Variants in IL1RAPL2 observed in about 807,000 individuals in gnomAD.
IL1RAPL2 encodes the protein X-linked interleukin-1 receptor accessory protein-like 2.
In IL1RAPL2, 3 loss-of-function variants were observed where a neutral mutation model predicts 44.1. That is an observed-to-expected ratio of 0.07 (90% CI 0.03 to 0.18). The LOEUF is 0.18. Ranked by LOEUF, IL1RAPL2 falls within the 10% of genes least tolerant of loss-of-function variation. The pLI is 1.00. For synonymous variants in IL1RAPL2, 181 were observed against 178.8 expected (o/e 1.01, Z -0.10); for missense variants, 391 against 496.4 (o/e 0.79, Z 2.02).
chrX:105,384,567 A>G (rs2035462183), intron 5 of IL1RAPL2, among the ~76,000 whole-genome samples: 5 of 111,086 alleles, frequency 4.5e-5, no homozygotes, highest in Admixed American at 3.9e-4. Context: ...TGCTCATTTT[A>G]CTCAGGACTG....
chrX:104,696,621 G>A (rs1019837773), intron 2 of IL1RAPL2, among the ~76,000 whole-genome samples: 3 of 111,979 alleles, frequency 2.7e-5, no homozygotes, highest in African/African-American at 9.7e-5. Context: ...GGGTTTGGGG[G>A]TGGAGTTCAC....
intron 2 of IL1RAPL2, among the ~76,000 whole-genome samples, chrX:104,745,739 T>G (rs950763322): frequency 3.6e-5 from 4 of 111,821 alleles, no homozygotes; most frequent in Admixed American, 2.9e-4. Flanking sequence ...AATAAGGCAA[T>G]TCTTTAGTGG....
At chrX:104,879,594 C>T (rs1016311009) in intron 2 of IL1RAPL2, among the ~76,000 whole-genome samples, 1 of 111,245 alleles carries the variant, frequency 9.0e-6, no homozygotes, top group East Asian at 2.8e-4. Context: ...ATTTCCTTTG[C>T]TGTAGTATAT....
chrX:105,340,867 T>C (rs1397975181), intron 5 of IL1RAPL2, among the ~76,000 whole-genome samples: 1 of 112,534 alleles, frequency 8.9e-6, no homozygotes, highest in African/African-American at 3.2e-5. Context: ...GCTTACTGTT[T>C]ATTGTCTGTC....
chrX:104,674,020 G>A (rs1345391898), intron 2 of IL1RAPL2, among the ~76,000 whole-genome samples: 1 of 111,331 alleles, frequency 9.0e-6, no homozygotes, highest in African/African-American at 3.3e-5. Flanking sequence ...GGGTTTTCTA[G>A]ATATACAATC....
At chrX:104,620,198 A>T (rs1391508269) in intron 1 of IL1RAPL2, among the ~76,000 whole-genome samples, 2 of 111,149 alleles carry the variant, frequency 1.8e-5, no homozygotes, top group Non-Finnish European at 3.8e-5. Flanking sequence ...TGAGAAGTGC[A>T]TTAAAAGATG....
At chrX:105,762,120 T>C (rs986540915) in intron 10 of IL1RAPL2, among the ~76,000 whole-genome samples, 1 of 112,252 alleles carries the variant, frequency 8.9e-6, no homozygotes, top group African/African-American at 3.2e-5. Context: ...TTCTTCCTGC[T>C]TCTATTTCCT....
intron 1 of IL1RAPL2, among the ~76,000 whole-genome samples, chrX:104,614,350 T>C (rs766964246): frequency 1.7e-4 from 19 of 112,293 alleles, no homozygotes; most frequent in Non-Finnish European, 2.8e-4. Flanking sequence ...TTTTATGAGA[T>C]CTTCTTGATA....
chrX:105,512,658 T>C, intron 6 of IL1RAPL2, among the ~76,000 whole-genome samples: 1 of 111,665 alleles, frequency 9.0e-6, no homozygotes, highest in East Asian at 2.8e-4. Flanking sequence ...TAAGAGTAAT[T>C]AATTCTTCAA....
chrX:105,252,024 C>T (rs1443412755), intron 4 of IL1RAPL2, among the ~76,000 whole-genome samples: 1 of 111,065 alleles, frequency 9.0e-6, no homozygotes, highest in East Asian at 2.8e-4. Context: ...CAAATGTATA[C>T]ACCATAGTCA....
chrX:105,498,548 A>C (rs901685763), intron 6 of IL1RAPL2, among the ~76,000 whole-genome samples: 4 of 111,152 alleles, frequency 3.6e-5, no homozygotes, highest in Non-Finnish European at 7.5e-5. Flanking sequence ...CAATCCTAAA[A>C]TTCATATGGA....
At chrX:105,167,456 A>G (rs1176183945) in intron 2 of IL1RAPL2, among the ~76,000 whole-genome samples, 5 of 111,871 alleles carry the variant, frequency 4.5e-5, no homozygotes, top group South Asian at 3.8e-4. Flanking sequence ...CCACTTTTGC[A>G]TTGTAGCTAA....
intron 6 of IL1RAPL2, among the ~76,000 whole-genome samples, chrX:105,521,235 C>T (rs774280175): frequency 1.8e-3 from 193 of 108,486 alleles, no homozygotes; most frequent in Non-Finnish European, 3.3e-3. Context: ...TGAGCCACCG[C>T]GCCCGGCCTG....
intron 2 of IL1RAPL2, among the ~76,000 whole-genome samples, chrX:105,032,404 C>T (rs1337079310): frequency 9.2e-6 from 1 of 108,820 alleles, no homozygotes; most frequent in Non-Finnish European, 1.9e-5. Flanking sequence ...TTGAATGTGT[C>T]CCAGAGATTC....
At chrX:105,447,231 TATATATATAAATATAA>T in intron 5 of IL1RAPL2, among the ~76,000 whole-genome samples, 1 of 24,631 alleles carries the variant, frequency 4.1e-5, no homozygotes, top group Admixed American at 9.3e-4. Flanking sequence ...TATATATAAA[TATATATATAAATATAA>T]ATATATATAA....
At chrX:104,963,226 T>C (rs2030042524) in intron 2 of IL1RAPL2, among the ~76,000 whole-genome samples, 1 of 111,926 alleles carries the variant, frequency 8.9e-6, no homozygotes, top group African/African-American at 3.2e-5. Flanking sequence ...TGAGCTTTCC[T>C]TTTAAACATT....
chrX:105,071,468 A>G (rs1294104134), intron 2 of IL1RAPL2, among the ~76,000 whole-genome samples: 1 of 111,442 alleles, frequency 9.0e-6, no homozygotes, highest in Admixed American at 9.6e-5. Flanking sequence ...ATTCAACGCA[A>G]TTCCTATCAA....
intron 2 of IL1RAPL2, among the ~76,000 whole-genome samples, chrX:104,763,298 G>A (rs996704573): frequency 3.6e-5 from 4 of 111,996 alleles, no homozygotes; most frequent in Non-Finnish European, 7.5e-5. Flanking sequence ...GGACTTCAAT[G>A]TCCATATCAC....
chrX:105,295,852 C>T (rs1376002654), intron 5 of IL1RAPL2, among the ~76,000 whole-genome samples: 2 of 111,291 alleles, frequency 1.8e-5, no homozygotes, highest in African/African-American at 6.5e-5. Flanking sequence ...TTGATTTGAA[C>T]ATTAAGATAA....
Sources: gnomAD v4.1 joint callset for allele counts (sites outside exome capture counted in the v4.1 genomes callset) on GRCh38, gnomAD v4.1.1 for gene constraint, MANE v1.5 for transcripts, NCBI Gene and HGNC (gene_info 2026-07-23, HGNC 2026-07-21) for gene names.